The following CEP95 variants were observed in gnomAD, a reference collection of about 807,000 sequenced individuals.
The protein encoded by CEP95 is centrosomal protein of 95 kDa.
CEP95 carries 98 observed loss-of-function variants against 111.2 expected under a neutral mutation model. That is an observed-to-expected ratio of 0.88 (90% confidence interval 0.75 to 1.04). CEP95 has a LOEUF of 1.04. Ranked by LOEUF, CEP95 falls within the 50% of genes least tolerant of loss-of-function variation. The probability of loss-of-function intolerance (pLI) is 0.00; values close to 1 mark genes in which losing one functional copy is unlikely to be tolerated. For synonymous variants in CEP95, 323 were observed against 327.1 expected, an observed-to-expected ratio of 0.99 and a Z score of 0.14; for missense variants, 1,027 against 977.2, an observed-to-expected ratio of 1.05 and a Z score of -0.68.
At chr17:64,533,663 T>C (rs1430906758) in intron 16 of CEP95, among the ~76,000 whole-genome samples, 1 of 152,164 alleles carries the variant, frequency 6.6e-6, no homozygotes, top group Admixed American at 6.5e-5. Context: ...AGGTACTTTA[T>C]ATACACAGTT....
At chr17:64,523,532 G>A (rs545643412) in intron 8 of CEP95, among the ~76,000 whole-genome samples, 38 of 151,328 alleles carry the variant, frequency 2.5e-4, no homozygotes, top group Non-Finnish European at 4.4e-4. Context: ...ACGCCACTGC[G>A]CTCCAGCCTG....
intron 8 of CEP95, among the ~76,000 whole-genome samples, chr17:64,525,519 G>A (rs782351673): frequency 1.3e-5 from 2 of 152,110 alleles, no homozygotes; most frequent in Non-Finnish European, 2.9e-5. Flanking sequence ...CATATTTAGA[G>A]AACACCTGGC....
At chr17:64,526,293 A>G in intron 10 of CEP95, 93 bp downstream of exon 10, 1 of 1,262,450 alleles carries the variant, frequency 7.9e-7, no homozygotes, top group Non-Finnish European at 1.1e-6. Flanking sequence ...TTAGAAAATT[A>G]GTTGTGTCTT....
intron 2 of CEP95, among the ~76,000 whole-genome samples, chr17:64,509,467 C>T (rs923949352): frequency 1.3e-5 from 2 of 152,208 alleles, no homozygotes; most frequent in African/African-American, 4.8e-5. Flanking sequence ...GGTGGATCAC[C>T]TGAGGCCAGG....
chr17:64,515,635 A>T (rs138848625), intron 4 of CEP95: 2 of 152,174 alleles, frequency 1.3e-5, no homozygotes, highest in African/African-American at 4.8e-5. Flanking sequence ...GTGGTGAGCT[A>T]CTGGGGAAGT....
In CEP95 at chr17:64,508,682, T is replaced by G. The variant is rs2038717925; in HGVS notation, c.110T>G (p.Ile37Ser). ...ELQDCDANVF[I>S]ALYQSILGEK... is the part of the protein sequence containing the mutation. ...CAAGACTGTGATGCTAATGTTTTTA[T>G]TGCTCTTTATCAGTCTATTTTGGGA... The change falls in exon 2 of 20, where the codon ATT (isoleucine) becomes AGT (serine). Residue 37 changes from isoleucine to serine, a missense_variant. Coordinates refer to ENST00000556440, the MANE Select transcript of CEP95 (RefSeq NM_138363.3). The G allele has an allele frequency of 3.4e-6, 5 of 1,458,004 alleles. No homozygotes were observed. The highest frequency in any genetic ancestry group is 4.6e-6 in the Non-Finnish European group (5 of 1,096,062). 90.3% of individuals were successfully genotyped at this position (1,458,004 alleles called of 1,614,324 possible).
chr17:64,513,130 G>C (rs928673509), intron 3 of CEP95, among the ~76,000 whole-genome samples: 2 of 152,162 alleles, frequency 1.3e-5, no homozygotes. Context: ...CCAAAACCAA[G>C]ATTTCTGGTT....
intron 19 of CEP95, 181 bp from the exon 20 acceptor site, chr17:64,537,417 CCATCT>C (rs1968733388): frequency 2.2e-6 from 3 of 1,371,038 alleles, no homozygotes; most frequent in Non-Finnish European, 2.8e-6. Flanking sequence ...ATAAGGCAAT[CCATCT>C]ATGACCCAAG....
At chr17:64,516,258 G>T (rs1555676263) in intron 4 of CEP95, among the ~76,000 whole-genome samples, 1 of 152,208 alleles carries the variant, frequency 6.6e-6, no homozygotes. Context: ...ACTGGTGAAA[G>T]TATGTATTCT....
At position 64,508,674 on chromosome 17, in the gene CEP95, T is replaced by C. The variant is rs782423898; in HGVS notation, c.102T>C (p.Asn34=). Residue 34 remains asparagine (N), a synonymous_variant, in exon 2 of 20, where the codon AAT becomes AAC. Transcript: ENST00000556440. ...ATGAACTTCAAGACTGTGATGCTAA[T>C]GTTTTTATTGCTCTTTATCAGTCTA... The part of the protein sequence containing the change: ...RIHELQDCDA[N]VFIALYQSIL... The C allele has an allele frequency of 6.8e-7, 1 of 1,460,756 alleles. No individual in the cohort carries two copies. The highest frequency in any genetic ancestry group is 1.6e-5 in the South Asian group (1 of 63,286). The allele number at this position is 1,460,756 out of a possible 1,614,324, so 90.5% of individuals were successfully genotyped here. A position where few individuals can be genotyped will look rare whatever the true frequency, so the allele number is the denominator to read the frequency against.
Position 64,508,710 on chromosome 17 carries a change from A to G in CEP95, c.138A>G (p.Glu46=). ...CTCTTTATCAGTCTATTTTGGGAGA[A>G]AAGGTACCAGGTAAGAATACTAAAA... The part of the protein sequence containing the change: ...FIALYQSILG[E]KVPDLIVIPR... The change falls in exon 2 of 20, where the codon GAA becomes GAG. Residue 46 remains glutamate, a synonymous_variant. Transcript: ENST00000556440. The G allele has an allele frequency of 7.1e-7, 1 of 1,404,432 alleles. No individual in the cohort carries two copies. The highest frequency in any genetic ancestry group is 9.4e-7 in the Non-Finnish European group (1 of 1,068,834). 87.0% of individuals were successfully genotyped at this position (1,404,432 alleles called of 1,614,324 possible). A position where few individuals can be genotyped will look rare whatever the true frequency, so the allele number is the denominator to read the frequency against.
intron 11 of CEP95, among the ~76,000 whole-genome samples, chr17:64,527,883 TATATATATAC>T (rs1967972549): frequency 6.9e-6 from 1 of 143,920 alleles, no homozygotes; most frequent in African/African-American, 2.5e-5. Context: ...TATATATATA[TATATATATAC>T]ACACACACAC....
Position 64,519,376 on chromosome 17 carries a change from T to A in CEP95, c.529T>A (p.Ser177Thr). 6.2e-7 allele frequency: 1 copy of A among 1,613,808 alleles called. No homozygotes were observed. Among genetic ancestry groups the A allele is most frequent in the East Asian group, 2.2e-5 (1 of 44,884 alleles). Residue 177 changes from serine (S) to threonine (T), a missense_variant, in exon 6 of 20, where the codon TCC (serine) becomes ACC (threonine). Physicochemically the swap from Ser to Thr is moderately conservative, Grantham distance 58. Transcript: ENST00000556440. ...CTCTTGGGATGGAGATGAAGCAGAA[T>A]CCACTGGTGAAATCATTAGACTTGG... ...GPSWDGDEAE[S>T]TGEIIRLGDT...
At position 64,537,770 on chromosome 17, in the gene CEP95, C is replaced by T. The variant is rs782036182; in HGVS notation, c.2457C>T (p.Pro819=). 1 of 1,592,432 alleles carries T rather than the reference C, an allele frequency of 6.3e-7. No individual in the cohort carries two copies. The highest frequency in any genetic ancestry group is 1.1e-5 in the South Asian group (1 of 87,252). The change falls in exon 20 of 20, where the codon CCC becomes CCT. Residue 819 remains proline, a synonymous_variant. Coordinates refer to ENST00000556440, the MANE Select transcript of CEP95 (RefSeq NM_138363.3). ...QLASFQYSKS[P]SL is the part of the protein sequence containing the mutation. Reference sequence around the variant, plus strand: ...CTTCCTTTCAGTACAGTAAAAGTCCCTCCCTATGAGGCCAGACTTGATAAT... The same window carrying T: ...CTTCCTTTCAGTACAGTAAAAGTCCTTCCCTATGAGGCCAGACTTGATAAT...
chr17:64,527,920 A>G lies in CEP95; in HGVS notation c.1306+656A>G, dbSNP rs913029712. 4.7e-5 allele frequency among the ~76,000 whole-genome samples: 7 copies of G among 148,436 alleles called. No homozygotes were observed. The East Asian group carries it at 1.2e-3, about 25-fold the overall frequency. The stretch of plus-strand genomic sequence containing the variant: ...CACACACACACACGCGTGTAGCACT[A>G]TCTATTTCCCCTATTGCTGGACATG... On this transcript the variant is annotated intron_variant, in intron 11 of 19. Transcript: ENST00000556440.
At chr17:64,537,347 A>G (rs1555681823) in intron 19 of CEP95, 2 of 1,404,418 alleles carry the variant, frequency 1.4e-6, no homozygotes, top group Non-Finnish European at 9.3e-7. Flanking sequence ...ACTAATTTAC[A>G]TTTTTAGGAA....
intron 17 of CEP95, 157 bp downstream of exon 17, chr17:64,534,894 T>TAA: frequency 1.3e-6 from 1 of 779,858 alleles, no homozygotes; most frequent in Non-Finnish European, 2.1e-6. Flanking sequence ...CCACACTTCA[T>TAA]TTTCTTACTC....
intron 18 of CEP95, 111 bp from the exon 19 acceptor site, chr17:64,536,930 A>AT (rs1968695631): frequency 1.6e-6 from 2 of 1,226,348 alleles, no homozygotes; most frequent in Admixed American, 2.5e-5. Context: ...ATAGTACAGT[A>AT]TATTTCCCTA....
chr17:64,529,230 T>G (rs1968086553), intron 11 of CEP95, 58 bp from the exon 12 acceptor site: 1 of 1,526,972 alleles, frequency 6.5e-7, no homozygotes, highest in African/African-American at 1.4e-5. Flanking sequence ...AACTTTGGTT[T>G]CCAGCATAAC....
Sources: gnomAD v4.1 joint callset for allele counts (sites outside exome capture counted in the v4.1 genomes callset) on GRCh38, gnomAD v4.1.1 for gene constraint, MANE v1.5 for transcripts, NCBI Gene and HGNC (gene_info 2026-07-23, HGNC 2026-07-21) for gene names.